The following POU2F2 variants were observed in gnomAD, a reference collection of about 807,000 sequenced individuals.
The protein encoded by POU2F2 is POU domain, class 2, transcription factor 2.
A neutral mutation model predicts 63.5 loss-of-function variants in POU2F2; 14 were observed. That is an observed-to-expected ratio of 0.22 (90% CI 0.15 to 0.34). The LOEUF is 0.34. Among genes scored for constraint, POU2F2 ranks in the 10% least tolerant of loss-of-function variants. The pLI, the probability that POU2F2 is intolerant of heterozygous loss-of-function variation, is 1.00. For synonymous variants in POU2F2, 306 were observed against 348.6 expected, an observed-to-expected ratio of 0.88 and a Z score of 1.36; for missense variants, 607 against 815.2, an observed-to-expected ratio of 0.74 and a Z score of 3.11.
Position 42,088,634 on chromosome 19 carries a change from G to A in POU2F2, c.*2623C>T, listed in dbSNP as rs374338152. The A allele has an allele frequency of 6.6e-6, 1 of 151,174 alleles. No homozygotes were observed. The allele number at this position is 151,174 out of a possible 1,614,324, so 9.4% of individuals were successfully genotyped here. On this transcript the variant is annotated 3_prime_UTR_variant, in exon 15 of 15. Transcript: ENST00000692977. Reference sequence around the variant, plus strand: ...TCCTTTCATTTTGCTCTGCTCAAATGTCCTTCCTATTTGGTCAGGAGCCCT... The same window carrying A: ...TCCTTTCATTTTGCTCTGCTCAAATATCCTTCCTATTTGGTCAGGAGCCCT...
upstream of POU2F2, among the ~76,000 whole-genome samples, chr19:42,180,769 C>T (rs2034951342): frequency 6.6e-6 from 1 of 152,150 alleles, no homozygotes; most frequent in African/African-American, 2.4e-5. Flanking sequence ...CTCTGTCACC[C>T]AGGCTGGAGT....
upstream of POU2F2, among the ~76,000 whole-genome samples, chr19:42,136,216 G>A (rs1258361571): frequency 1.4e-5 from 2 of 143,708 alleles, no homozygotes; most frequent in Admixed American, 1.4e-4. Flanking sequence ...AGACTGTCTG[G>A]CTCTGTCACT....
rs928911462 is a variant in POU2F2 at position 42,162,977 on chromosome 19, T to G, written c.-69-2585A>C. Among the ~76,000 whole-genome samples the G allele has an allele frequency of 6.6e-6, 1 of 152,152 alleles. No individual in the cohort carries two copies. Among genetic ancestry groups the G allele is most frequent in the African/African-American group, 2.4e-5 (1 of 41,442 alleles). The stretch of plus-strand genomic sequence containing the variant: ...AGGTGTGATCTCTCAGCATCTCACA[T>G]TTGTTCGGCGAGTGTCATCCCATGA... On this transcript the variant is annotated intron_variant, in intron 1 of 6. Coordinates refer to the POU2F2 transcript ENST00000524801. The surrounding 1 kb of genome is among the most constrained non-coding windows in gnomAD (Gnocchi z 4.1).
At chr19:42,171,431 CGTGTGT>C (rs71336804) in intron 1 of POU2F2, among the ~76,000 whole-genome samples, 2,641 of 138,602 alleles carry the variant, frequency 0.019, 36 homozygotes, top group South Asian at 0.034. Flanking sequence ...GGCTGCGCTT[CGTGTGT>C]GTGTGTGTGT....
At chr19:42,094,008 C>A in intron 11 of POU2F2, 113 bp from the exon 12 acceptor site, 1 of 812,978 alleles carries the variant, frequency 1.2e-6, no homozygotes. Flanking sequence ...GGCTTTGGCA[C>A]AATGCTGCAT....
intron 5 of POU2F2, among the ~76,000 whole-genome samples, chr19:42,102,589 CT>C (rs2077185054): frequency 1.4e-5 from 2 of 145,006 alleles, no homozygotes; most frequent in Admixed American, 6.9e-5. Context: ...AGACCCCCAT[CT>C]CAAAAAAAAA....
intron 5 of POU2F2, among the ~76,000 whole-genome samples, chr19:42,102,080 C>T (rs960117137): frequency 2.0e-5 from 3 of 152,070 alleles, no homozygotes; most frequent in Non-Finnish European, 4.4e-5. Flanking sequence ...TACCACAAGA[C>T]ATGTACTACA....
In POU2F2 at chr19:42,090,936, C is replaced by T. The variant is rs935647022; in HGVS notation, c.*321G>A. On this transcript the variant is annotated 3_prime_UTR_variant, in exon 15 of 15. Transcript: ENST00000692977. This position sits in a 1 kb window ranked among gnomAD's most constrained non-coding sequence, Gnocchi z 4.4. ...AGGGTGAGCACGCTGAGGTCTGGCT[C>T]GCGACTGGTTTTTTGGTTTGTTTGA... The T allele has an allele frequency of 8.6e-5, 19 of 221,798 alleles. No homozygotes were observed. Among genetic ancestry groups the T allele is most frequent in the Non-Finnish European group, 1.2e-4 (14 of 115,050 alleles). 13.7% of individuals were successfully genotyped at this position (221,798 alleles called of 1,614,324 possible).
In POU2F2 at chr19:42,109,479, T is replaced by A. The variant is rs1165066453; in HGVS notation, c.369+7771A>T. 2.0e-5 allele frequency among the ~76,000 whole-genome samples: 3 copies of A among 152,204 alleles called. No individual in the cohort carries two copies. The East Asian group carries it at 5.8e-4, about 29-fold the overall frequency. On this transcript the variant is annotated intron_variant, in intron 5 of 14. Coordinates refer to ENST00000692977, the MANE Select transcript of POU2F2 (RefSeq NM_001394376.1). ...CTATGTAAACTATATCGTGATAGAT[T>A]GTGTTCAAAATGAGGAAGGGAGGAT... is the stretch of plus-strand genomic sequence containing the variant.
At chr19:42,115,127 G>T (rs1405600832) in intron 5 of POU2F2, among the ~76,000 whole-genome samples, 3 of 151,870 alleles carry the variant, frequency 2.0e-5, no homozygotes, top group Admixed American at 2.0e-4. Flanking sequence ...TCCAGCCTGG[G>T]CAGCAAAGCA....
chr19:42,093,002 TATATATA>T (rs1284963082), intron 12 of POU2F2, among the ~76,000 whole-genome samples: 1 of 96,108 alleles, frequency 1.0e-5, no homozygotes, highest in Non-Finnish European at 2.1e-5. Context: ...TATATATATA[TATATATA>T]TTTTTTTTTT....
intron 1 of POU2F2, among the ~76,000 whole-genome samples, chr19:42,171,551 TGG>T (rs542307557): frequency 1.2e-4 from 18 of 151,522 alleles, no homozygotes; most frequent in Non-Finnish European, 2.1e-4. Context: ...GTTTTGGGCA[TGG>T]GGGGCAGTGC....
intron 4 of POU2F2, among the ~76,000 whole-genome samples, chr19:42,118,748 G>A (rs572178716): frequency 6.6e-6 from 1 of 152,358 alleles, no homozygotes; most frequent in South Asian, 2.1e-4. Flanking sequence ...GAGAAGGCAT[G>A]GCCTGATGGA....
upstream of POU2F2, among the ~76,000 whole-genome samples, chr19:42,177,613 A>G (rs1228972765): frequency 6.6e-6 from 1 of 152,008 alleles, no homozygotes; most frequent in East Asian, 1.9e-4. Context: ...GACAAGGACA[A>G]TCCTTGAGAC....
chr19:42,180,831 A>G (rs1289351555), upstream of POU2F2, among the ~76,000 whole-genome samples: 2 of 151,612 alleles, frequency 1.3e-5, no homozygotes, highest in African/African-American at 4.8e-5. Flanking sequence ...GGCTCAAGCA[A>G]TCCCCTCTTG....
At chr19:42,159,640 G>T (rs1289862598) in intron 2 of POU2F2, among the ~76,000 whole-genome samples, 2 of 152,196 alleles carry the variant, frequency 1.3e-5, no homozygotes, top group Admixed American at 6.5e-5. Context: ...ACAGAGGTGA[G>T]CAGCAGGAGA....
chr19:42,117,121 C>T lies in POU2F2; in HGVS notation c.369+129G>A, dbSNP rs1168708025. The T allele has an allele frequency of 2.5e-6, 2 of 789,588 alleles. No individual in the cohort carries two copies. Among genetic ancestry groups the T allele is most frequent in the Non-Finnish European group, 4.1e-6 (2 of 484,058 alleles). 48.9% of individuals were successfully genotyped at this position (789,588 alleles called of 1,614,324 possible). ...TAAGGGGACAAGACCTCCTAGAGGACAGAAGAGGGCAAGAGGCAGGTGTGA... is the reference window on the plus strand; with the variant it reads ...TAAGGGGACAAGACCTCCTAGAGGATAGAAGAGGGCAAGAGGCAGGTGTGA... On this transcript the variant is annotated intron_variant, in intron 5 of 14. Transcript: ENST00000692977. The surrounding 1 kb of genome is among the most constrained non-coding windows in gnomAD (Gnocchi z 4.4).
At chr19:42,195,087 A>AACGG (rs2035123815) in intron 1 of POU2F2, among the ~76,000 whole-genome samples, 1 of 8,762 alleles carries the variant, frequency 1.1e-4, no homozygotes, top group Non-Finnish European at 2.0e-4. Context: ...GGGAGGGAGG[A>AACGG]AGGGAGGAAG....
chr19:42,143,288 G>T (rs2034165189), intron 2 of POU2F2, among the ~76,000 whole-genome samples: 1 of 152,084 alleles, frequency 6.6e-6, no homozygotes. Context: ...GGGGGCTGAG[G>T]TTGCAGTGAG....
Sources: gnomAD v4.1 joint callset for allele counts (sites outside exome capture counted in the v4.1 genomes callset) on GRCh38, gnomAD v4.1.1 for gene constraint, Gnocchi (gnomAD v3.1) non-coding constraint, MANE v1.5 for transcripts, NCBI Gene and HGNC (gene_info 2026-07-23, HGNC 2026-07-21) for gene names.